The following SPAG16 variants were observed in gnomAD, a reference collection of about 807,000 sequenced individuals.
SPAG16 encodes the protein sperm associated antigen 16.
SPAG16 carries 86 observed loss-of-function variants against 80.4 expected under a neutral mutation model. That is an observed-to-expected ratio of 1.07 (90% CI 0.90 to 1.28). The LOEUF (loss-of-function observed/expected upper bound fraction) is 1.28. SPAG16 is among the 50% of genes most tolerant of loss of function. The probability of loss-of-function intolerance (pLI) is 0.00; values close to 1 mark genes in which losing one functional copy is unlikely to be tolerated. For missense variants in SPAG16, 870 were observed against 765.3 expected (o/e 1.14, Z -1.61); for synonymous variants, 294 against 265.9 (o/e 1.11, Z -1.03).
chr2:213,966,514 C>T (rs1234458606), intron 12 of SPAG16, among the ~76,000 whole-genome samples: 3 of 152,032 alleles, frequency 2.0e-5, no homozygotes, highest in African/African-American at 7.2e-5. Context: ...ACAAACATTG[C>T]TGATGACATG....
At chr2:213,913,075 T>C (rs1026785581) in intron 11 of SPAG16, among the ~76,000 whole-genome samples, 3 of 152,156 alleles carry the variant, frequency 2.0e-5, no homozygotes, top group Non-Finnish European at 4.4e-5. Context: ...TTCACATATA[T>C]AATGATATAT....
At chr2:214,081,225 T>A (rs1421088707) in intron 13 of SPAG16, among the ~76,000 whole-genome samples, 1 of 152,070 alleles carries the variant, frequency 6.6e-6, no homozygotes, top group Non-Finnish European at 1.5e-5. Flanking sequence ...AGAAGTAGGA[T>A]CATACCAAGA....
chr2:213,958,711 T>A (rs1196933996), intron 12 of SPAG16, among the ~76,000 whole-genome samples: 1 of 152,198 alleles, frequency 6.6e-6, no homozygotes, highest in Non-Finnish European at 1.5e-5. Flanking sequence ...AGTTACAAAC[T>A]GAAGTTAAAA....
intron 15 of SPAG16, among the ~76,000 whole-genome samples, chr2:214,182,801 TTATTGTACA>T (rs2057348567): frequency 2.6e-5 from 4 of 152,080 alleles, no homozygotes; most frequent in Admixed American, 2.6e-4. Flanking sequence ...TCATGTCACT[TTATTGTACA>T]TAAATATCAG....
intron 10 of SPAG16, among the ~76,000 whole-genome samples, chr2:213,714,902 T>A (rs192704101): frequency 6.6e-6 from 1 of 152,282 alleles, no homozygotes; most frequent in Admixed American, 6.5e-5. Flanking sequence ...CAACCCCCAC[T>A]AAGTAGGTTT....
intron 5 of SPAG16, among the ~76,000 whole-genome samples, chr2:213,336,619 A>C (rs1354213696): frequency 6.6e-6 from 1 of 152,294 alleles, no homozygotes; most frequent in East Asian, 1.9e-4. Context: ...CAGCTGTGTC[A>C]GTTCATGGCT....
At chr2:213,970,532 A>G (rs1487296023) in intron 12 of SPAG16, among the ~76,000 whole-genome samples, 1 of 152,052 alleles carries the variant, frequency 6.6e-6, no homozygotes, top group Admixed American at 6.6e-5. Flanking sequence ...GAGCTCCTGA[A>G]CACAAGCAAT....
chr2:213,924,558 C>G (rs1053893792), intron 11 of SPAG16, among the ~76,000 whole-genome samples: 3 of 152,178 alleles, frequency 2.0e-5, no homozygotes, highest in South Asian at 2.1e-4. Flanking sequence ...GCAGCACATA[C>G]AAGCTGCTTC....
At chr2:213,731,848 A>T (rs145054537) in intron 10 of SPAG16, among the ~76,000 whole-genome samples, 5 of 152,014 alleles carry the variant, frequency 3.3e-5, no homozygotes, top group Non-Finnish European at 5.9e-5. Flanking sequence ...CATTTTCTTT[A>T]TCCACTCTTG....
At chr2:213,586,139 G>A (rs930794931) in intron 10 of SPAG16, among the ~76,000 whole-genome samples, 7 of 151,960 alleles carry the variant, frequency 4.6e-5, no homozygotes, top group Admixed American at 2.0e-4. Context: ...AATAGTTTTC[G>A]GTGGAAAACT....
rs1491308938 is a variant in SPAG16 at position 213,387,429 on chromosome 2, C to CTTTTTTTTTT, written c.942+12311_942+12312insTTTTTTTTTT. On this transcript the variant is annotated intron_variant, in intron 9 of 15. Coordinates refer to ENST00000331683, the MANE Select transcript of SPAG16 (RefSeq NM_024532.5). ...TTTTTGGGTTGGAATGAAATGCATG[C>CTTTTTTTTTT]TCTTTTTTTTTTTTTTTTTTTTTTT... 9.5e-4 allele frequency among the ~76,000 whole-genome samples: 68 copies of CTTTTTTTTTT among 71,772 alleles called. 11 individuals carry two copies. The highest frequency in any genetic ancestry group is 1.9e-3 in the East Asian group (3 of 1,614). The allele number at this position is 71,772 out of a possible 152,430, so 47.1% of individuals were successfully genotyped here.
At chr2:213,671,978 T>C (rs1054860282) in intron 10 of SPAG16, among the ~76,000 whole-genome samples, 2 of 152,184 alleles carry the variant, frequency 1.3e-5, no homozygotes, top group African/African-American at 4.8e-5. Flanking sequence ...TTATTATGCA[T>C]CATCAGCACA....
intron 15 of SPAG16, among the ~76,000 whole-genome samples, chr2:214,405,909 T>C (rs979479013): frequency 6.6e-6 from 1 of 152,244 alleles, no homozygotes; most frequent in South Asian, 2.1e-4. Flanking sequence ...ACATGTGATG[T>C]AAAAAAGAAA....
chr2:214,146,548 T>C (rs1039345793), intron 14 of SPAG16, among the ~76,000 whole-genome samples: 1 of 152,162 alleles, frequency 6.6e-6, no homozygotes, highest in Non-Finnish European at 1.5e-5. Flanking sequence ...TCTATCAGCT[T>C]AACAAATACT....
chr2:213,928,560 A>G (rs1160044937), intron 11 of SPAG16, among the ~76,000 whole-genome samples: 1 of 152,218 alleles, frequency 6.6e-6, no homozygotes, highest in Non-Finnish European at 1.5e-5. Flanking sequence ...GCAAGAAAAC[A>G]AAATATTTTT....
chr2:213,927,974 C>T (rs2078563612), intron 11 of SPAG16, among the ~76,000 whole-genome samples: 1 of 152,172 alleles, frequency 6.6e-6, no homozygotes, highest in Non-Finnish European at 1.5e-5. Context: ...GAATGACAAA[C>T]ATATGTGCAA....
intron 6 of SPAG16, among the ~76,000 whole-genome samples, chr2:213,344,434 T>C (rs1463940233): frequency 6.6e-6 from 1 of 151,948 alleles, no homozygotes; most frequent in Admixed American, 6.6e-5. Context: ...AGCGTGCAGG[T>C]TTGTTACATA....
At position 214,195,260 on chromosome 2, in the gene SPAG16, A is replaced by G. The variant is rs118176798; in HGVS notation, c.1720+45994A>G. Among the ~76,000 whole-genome samples the G allele has an allele frequency of 2.0e-5, 3 of 148,472 alleles. No individual in the cohort carries two copies. The East Asian group carries it at 6.0e-4, about 30-fold the overall frequency. ...AAATGTAGGAAAAGGCAGAGTGACC[A>G]GGGGAAGATACTGAGTTCAAACACA... is the stretch of plus-strand genomic sequence containing the variant. On this transcript the variant is annotated intron_variant, in intron 15 of 15. Coordinates refer to ENST00000331683, the MANE Select transcript of SPAG16 (RefSeq NM_024532.5).
chr2:214,069,113 T>C (rs1291612456), intron 13 of SPAG16, among the ~76,000 whole-genome samples: 1 of 152,130 alleles, frequency 6.6e-6, no homozygotes, highest in African/African-American at 2.4e-5. Flanking sequence ...AAATTTTCTG[T>C]GTGATTATTT....
Sources: gnomAD v4.1 joint callset for allele counts (sites outside exome capture counted in the v4.1 genomes callset) on GRCh38, gnomAD v4.1.1 for gene constraint, MANE v1.5 for transcripts, NCBI Gene and HGNC (gene_info 2026-07-23, HGNC 2026-07-21) for gene names.